The following CD302 variants were observed in gnomAD, a reference collection of about 807,000 sequenced individuals.
CD302 encodes CD302 antigen.
In CD302, 23 loss-of-function variants were observed where a neutral mutation model predicts 26.5. The ratio of observed to expected loss-of-function variants is 0.87; its 90% CI spans 0.62 to 1.23. CD302 has a LOEUF of 1.23. Among genes scored for constraint, CD302 ranks in the 50% most tolerant of loss-of-function variants. CD302 has a pLI of 0.00. For missense variants in CD302, 290 were observed against 275.5 expected, an observed-to-expected ratio of 1.05 and a Z score of -0.37; for synonymous variants, 90 against 99.4, an observed-to-expected ratio of 0.91 and a Z score of 0.56.
intron 5 of CD302, among the ~76,000 whole-genome samples, chr2:159,774,746 C>T (rs1373698240): frequency 6.6e-6 from 1 of 152,198 alleles, no homozygotes; most frequent in African/African-American, 2.4e-5. Context: ...TGTGTGCTTG[C>T]CACACTAGGT....
intron 5 of CD302, among the ~76,000 whole-genome samples, chr2:159,773,304 G>A (rs1007254667): frequency 6.6e-5 from 10 of 152,156 alleles, no homozygotes; most frequent in African/African-American, 2.2e-4. Flanking sequence ...GTGGGCCACC[G>A]TGCCCAGCCC....
intron 1 of CD302, among the ~76,000 whole-genome samples, chr2:159,794,316 A>AC (rs1560052390): frequency 6.7e-6 from 1 of 149,020 alleles, no homozygotes; most frequent in African/African-American, 2.4e-5. Context: ...AAAAAAAAAA[A>AC]CACTAAATAA....
chr2:159,787,841 A>G (rs1708707495), intron 1 of CD302, among the ~76,000 whole-genome samples: 1 of 152,222 alleles, frequency 6.6e-6, no homozygotes, highest in Non-Finnish European at 1.5e-5. Flanking sequence ...TCCACCAGGC[A>G]CAGTGGCTCA....
intron 3 of CD302, 44 bp from the exon 4 acceptor site, chr2:159,780,222 G>A (rs1170158338): frequency 6.3e-6 from 10 of 1,598,542 alleles, no homozygotes; most frequent in Non-Finnish European, 8.5e-6. Flanking sequence ...AGTTTTAAAA[G>A]GAGTTCAAGC....
chr2:159,774,245 T>C (rs1708244181), intron 5 of CD302, among the ~76,000 whole-genome samples: 1 of 152,142 alleles, frequency 6.6e-6, no homozygotes, highest in African/African-American at 2.4e-5. Flanking sequence ...TAGATAAATA[T>C]GTGTGTGTAG....
Position 159,769,519 on chromosome 2 carries a change from C to T in CD302, c.*2332G>A, listed in dbSNP as rs1708064978. On this transcript the variant is annotated 3_prime_UTR_variant, in exon 6 of 6. Coordinates refer to ENST00000259053, the MANE Select transcript of CD302 (RefSeq NM_014880.5). ...GTTAGCTGGGTGTGGTGACAGATGTCTGTGGTCCCAGCTACTAAGGAGGCT... is the reference window on the plus strand; with the variant it reads ...GTTAGCTGGGTGTGGTGACAGATGTTTGTGGTCCCAGCTACTAAGGAGGCT... 1 of 152,178 alleles carries T rather than the reference C, an allele frequency of 6.6e-6. No homozygotes were observed. The highest frequency in any genetic ancestry group is 2.1e-4 in the South Asian group (1 of 4,826). The allele number at this position is 152,178 out of a possible 1,614,324, so 9.4% of individuals were successfully genotyped here.
In CD302 at chr2:159,771,502, TA is replaced by T. The variant is rs375899594; in HGVS notation, c.*348del. 16 of 178,874 alleles carry T rather than the reference TA, an allele frequency of 8.9e-5. No homozygotes were observed. The East Asian group carries it at 2.1e-3, about 23-fold the overall frequency. The allele number at this position is 178,874 out of a possible 1,614,324, so 11.1% of individuals were successfully genotyped here. A position where few individuals can be genotyped will look rare whatever the true frequency, so the allele number is the denominator to read the frequency against. ...CCCATTTCATGTTTACTAATAAACATATAAACTAAAGTGGGTCAACTAAATA... is the reference window on the plus strand; with the variant it reads ...CCCATTTCATGTTTACTAATAAACATTAAACTAAAGTGGGTCAACTAAATA... On this transcript the variant is annotated 3_prime_UTR_variant, in exon 6 of 6. Coordinates refer to ENST00000259053, the MANE Select transcript of CD302 (RefSeq NM_014880.5).
At chr2:159,790,535 A>C (rs910962410) in intron 1 of CD302, among the ~76,000 whole-genome samples, 1 of 152,210 alleles carries the variant, frequency 6.6e-6, no homozygotes, top group Non-Finnish European at 1.5e-5. Context: ...CAGAGGACAC[A>C]GAAGTCATTT....
intron 1 of CD302, among the ~76,000 whole-genome samples, chr2:159,788,575 G>A (rs992416575): frequency 2.6e-5 from 4 of 152,194 alleles, no homozygotes; most frequent in Non-Finnish European, 5.9e-5. Flanking sequence ...CTATAGTTTT[G>A]TTGCTTGGGC....
chr2:159,783,270 C>A, intron 2 of CD302, 89 bp downstream of exon 2: 2 of 1,080,224 alleles, frequency 1.9e-6, no homozygotes, highest in Non-Finnish European at 2.6e-6. Flanking sequence ...AGTTAAAAGT[C>A]AGATGTGACA....
chr2:159,772,188 A>G (rs1708170448), intron 5 of CD302, 135 bp from the exon 6 acceptor site: 1 of 930,484 alleles, frequency 1.1e-6, no homozygotes, highest in Non-Finnish European at 1.6e-6. Context: ...GAGAAAACCA[A>G]AAATTTCGCA....
At chr2:159,777,322 A>T (rs1419080681) in intron 5 of CD302, among the ~76,000 whole-genome samples, 1 of 152,262 alleles carries the variant, frequency 6.6e-6, no homozygotes, top group Admixed American at 6.5e-5. Context: ...AGCCACAAGA[A>T]GATCACTACA....
rs1486430098 is a variant in CD302, at chr2:159,781,007, ATTTT to A, written c.179-13_179-10del. On this transcript the variant is annotated splice_polypyrimidine_tract_variant and intron_variant, in intron 2 of 5. Transcript: ENST00000259053. ...GCTTATCATGTCCGCTCCTGAAATTATTTTAAAGAGAAAAAAAGTCAGCATATTC... is the reference window on the plus strand; with the variant it reads ...GCTTATCATGTCCGCTCCTGAAATTAAAAGAGAAAAAAAGTCAGCATATTC... 1.3e-6 allele frequency: 2 copies of A among 1,593,854 alleles called. No individual in the cohort carries two copies. Among genetic ancestry groups the A allele is most frequent in the Admixed American group, 1.9e-5 (1 of 53,592 alleles).
At position 159,770,047 on chromosome 2, in the gene CD302, C is replaced by CTT. The variant is rs1708085370; in HGVS notation, c.*1802_*1803dup. 6.6e-6 allele frequency: 1 copy of CTT among 152,186 alleles called. No homozygotes were observed. 9.4% of individuals were successfully genotyped at this position (152,186 alleles called of 1,614,324 possible). ...TTGAGACTGTTGGTTTTAAGTTGGA[C>CTT]TTAATCACTTTCCTACCCAAATTCT... On this transcript the variant is annotated 3_prime_UTR_variant, in exon 6 of 6. Coordinates refer to ENST00000259053, the MANE Select transcript of CD302 (RefSeq NM_014880.5).
intron 1 of CD302, among the ~76,000 whole-genome samples, chr2:159,791,255 AG>A (rs2125813398): frequency 6.6e-6 from 1 of 152,376 alleles, no homozygotes; most frequent in South Asian, 2.1e-4. Context: ...ATGGCCAATA[AG>A]AAAACTGAGG....
chr2:159,796,314 A>G (rs1419748005), intron 1 of CD302, among the ~76,000 whole-genome samples: 2 of 152,216 alleles, frequency 1.3e-5, no homozygotes, highest in African/African-American at 4.8e-5. Context: ...TCAGCCCTAT[A>G]ACATTAGCAT....
intron 1 of CD302, among the ~76,000 whole-genome samples, chr2:159,788,842 C>CA (rs1403113398): frequency 6.6e-6 from 1 of 152,138 alleles, no homozygotes. Flanking sequence ...ACTTTTGCTC[C>CA]ATTCTCTCTC....
chr2:159,776,010 A>C, intron 5 of CD302, among the ~76,000 whole-genome samples: 1 of 17,336 alleles, frequency 5.8e-5, no homozygotes, highest in Admixed American at 8.4e-4. Flanking sequence ...TCCGGGTTTC[A>C]ACTTTTTTTT....
intron 3 of CD302, 145 bp from the exon 4 acceptor site, chr2:159,780,323 T>C: frequency 1.1e-6 from 1 of 942,714 alleles, no homozygotes; most frequent in Non-Finnish European, 1.5e-6. Context: ...AGGAGGAATA[T>C]ATCCTGTGTA....
Sources: gnomAD v4.1 joint callset for allele counts (sites outside exome capture counted in the v4.1 genomes callset) on GRCh38, gnomAD v4.1.1 for gene constraint, MANE v1.5 for transcripts, NCBI Gene and HGNC (gene_info 2026-07-23, HGNC 2026-07-21) for gene names.